Variants in CDH13 observed in about 807,000 individuals in gnomAD.
CDH13 encodes the protein cadherin-13.
A neutral mutation model predicts 63.8 loss-of-function variants in CDH13; 24 were observed. The ratio of observed to expected loss-of-function variants is 0.38; its 90% CI spans 0.27 to 0.53. The LOEUF is 0.53. Ranked by LOEUF, CDH13 falls within the 20% of genes least tolerant of loss-of-function variation. The pLI is 0.85. For synonymous variants in CDH13, 503 were observed against 355.3 expected (o/e 1.42, Z -4.67); for missense variants, 1,049 against 903.1 (o/e 1.16, Z -2.07).
At position 82,876,093 on chromosome 16, in the gene CDH13, A is replaced by T. The variant is rs141281512; in HGVS notation, c.157+17620A>T. On this transcript the variant is annotated intron_variant, in intron 2 of 13. Coordinates refer to ENST00000567109, the MANE Select transcript of CDH13 (RefSeq NM_001257.5). ...CTATCACGAGAACAGTACAGGAAAG[A>T]CCCATCTCCATAATTCAGTCACTTC... 2.6e-3 allele frequency among the ~76,000 whole-genome samples: 390 copies of T among 152,290 alleles called. 2 individuals are homozygous for T. Among genetic ancestry groups the T allele is most frequent in the Non-Finnish European group, 4.5e-3 (307 of 68,026 alleles).
rs531269867 is a variant in CDH13 at position 83,271,995 on chromosome 16, G to T, written c.636+54498G>T. Reference sequence around the variant, plus strand: ...TAATGGTAATAAACATTTGTCTTGTGCCTTACAGCTTAAAAAGTGTTTTTC... The same window carrying T: ...TAATGGTAATAAACATTTGTCTTGTTCCTTACAGCTTAAAAAGTGTTTTTC... On this transcript the variant is annotated intron_variant, in intron 5 of 13. Coordinates refer to ENST00000567109, the MANE Select transcript of CDH13 (RefSeq NM_001257.5). 2.0e-4 allele frequency among the ~76,000 whole-genome samples: 31 copies of T among 152,210 alleles called. No individual in the cohort carries two copies. In the South Asian group the frequency reaches 6.2e-3, roughly 31 times the overall value.
intron 3 of CDH13, among the ~76,000 whole-genome samples, chr16:83,088,193 A>C (rs922055087): frequency 6.6e-6 from 1 of 152,180 alleles, no homozygotes; most frequent in African/African-American, 2.4e-5. Context: ...CTGCCTGTTT[A>C]GTTTGTGTTG....
chr16:83,782,689 T>C (rs749970192), intron 12 of CDH13, among the ~76,000 whole-genome samples: 4 of 150,070 alleles, frequency 2.7e-5, no homozygotes, highest in South Asian at 2.1e-4. Flanking sequence ...TGAGCCAAGA[T>C]TGCACCACTG....
At chr16:82,915,224 A>C (rs1299295712) in intron 2 of CDH13, among the ~76,000 whole-genome samples, 1 of 152,190 alleles carries the variant, frequency 6.6e-6, no homozygotes, top group African/African-American at 2.4e-5. Context: ...TTTTATGGTC[A>C]ATCAAGGCGG....
intron 8 of CDH13, among the ~76,000 whole-genome samples, chr16:83,661,517 A>G (rs531464737): frequency 6.6e-6 from 1 of 152,008 alleles, no homozygotes; most frequent in East Asian, 1.9e-4. Context: ...TCTCAGGAAC[A>G]CAGTTTAAGA....
At chr16:82,893,613 G>C (rs1597156309) in intron 2 of CDH13, among the ~76,000 whole-genome samples, 2 of 152,196 alleles carry the variant, frequency 1.3e-5, no homozygotes, top group African/African-American at 4.8e-5. Context: ...ATATGGGTTG[G>C]ATATGCTTGC....
chr16:82,788,739 G>C (rs1203942508), intron 1 of CDH13, among the ~76,000 whole-genome samples: 1 of 152,220 alleles, frequency 6.6e-6, no homozygotes, highest in Non-Finnish European at 1.5e-5. Flanking sequence ...TTTGGAACAA[G>C]GTGCTTAGAG....
chr16:83,722,268 T>C (rs1255089407), intron 10 of CDH13, among the ~76,000 whole-genome samples: 1 of 152,210 alleles, frequency 6.6e-6, no homozygotes, highest in Non-Finnish European at 1.5e-5. Context: ...CCTCAAACAA[T>C]GATAGTTAAG....
intron 7 of CDH13, among the ~76,000 whole-genome samples, chr16:83,515,902 C>T (rs1349463679): frequency 6.6e-6 from 1 of 151,970 alleles, no homozygotes; most frequent in African/African-American, 2.4e-5. Flanking sequence ...AGGAATTAAA[C>T]AGACAAGCCA....
chr16:83,037,076 T>A (rs1298127845), intron 3 of CDH13, among the ~76,000 whole-genome samples: 1 of 152,156 alleles, frequency 6.6e-6, no homozygotes, highest in Non-Finnish European at 1.5e-5. Flanking sequence ...ATAAAAATAG[T>A]CCTTGGTGGT....
chr16:83,655,626 G>T (rs575498422), intron 8 of CDH13, among the ~76,000 whole-genome samples: 2 of 152,302 alleles, frequency 1.3e-5, no homozygotes, highest in Non-Finnish European at 2.9e-5. Flanking sequence ...CATGGAAAAG[G>T]CTCTGGATTT....
intron 1 of CDH13, among the ~76,000 whole-genome samples, chr16:82,856,439 C>A (rs1471384302): frequency 6.7e-6 from 1 of 148,814 alleles, no homozygotes; most frequent in Non-Finnish European, 1.5e-5. Context: ...CAGTGGCTCA[C>A]GCCTGTAGTC....
intron 1 of CDH13, among the ~76,000 whole-genome samples, chr16:82,711,697 G>A (rs538214922): frequency 6.6e-5 from 10 of 152,266 alleles, no homozygotes; most frequent in African/African-American, 1.2e-4. Flanking sequence ...CACTTGCTAC[G>A]GCTATTCCCA....
intron 1 of CDH13, among the ~76,000 whole-genome samples, chr16:82,797,384 C>G (rs1475418962): frequency 4.6e-5 from 7 of 152,164 alleles, no homozygotes; most frequent in African/African-American, 1.7e-4. Context: ...TAGTGCAGAG[C>G]CCTGGACCAA....
chr16:83,097,726 G>C (rs1395885918), intron 3 of CDH13, among the ~76,000 whole-genome samples: 1 of 152,178 alleles, frequency 6.6e-6, no homozygotes, highest in Admixed American at 6.5e-5. Context: ...TGTAAAATTT[G>C]TTCGTAAAGA....
At chr16:83,538,794 C>G (rs1020490725) in intron 7 of CDH13, among the ~76,000 whole-genome samples, 1 of 152,072 alleles carries the variant, frequency 6.6e-6, no homozygotes, top group African/African-American at 2.4e-5. Context: ...CTGGAATAAC[C>G]CATGTACAAG....
intron 11 of CDH13, among the ~76,000 whole-genome samples, chr16:83,779,437 A>AAAAAAAAAT (rs1915360721): frequency 4.1e-5 from 6 of 147,082 alleles, no homozygotes; most frequent in South Asian, 2.2e-4. Context: ...AAAAAAAAAA[A>AAAAAAAAAT]AGTCTTATAT....
At chr16:83,621,434 C>G (rs1678198126) in intron 8 of CDH13, among the ~76,000 whole-genome samples, 1 of 140,826 alleles carries the variant, frequency 7.1e-6, no homozygotes, top group South Asian at 2.4e-4. Flanking sequence ...AACTTGCAAA[C>G]TTCAACTTAC....
intron 4 of CDH13, among the ~76,000 whole-genome samples, chr16:83,216,036 C>G (rs1356073556): frequency 6.6e-6 from 1 of 151,034 alleles, no homozygotes; most frequent in East Asian, 2.0e-4. Context: ...CCTCTACATG[C>G]TTAAGCATAT....
Sources: gnomAD v4.1 joint callset for allele counts (sites outside exome capture counted in the v4.1 genomes callset) on GRCh38, gnomAD v4.1.1 for gene constraint, MANE v1.5 for transcripts, NCBI Gene and HGNC (gene_info 2026-07-23, HGNC 2026-07-21) for gene names.